The following BTD variants were observed in gnomAD, a reference collection of about 807,000 sequenced individuals.
BTD encodes the protein biocytinase.
In BTD, 13 loss-of-function variants were observed where a neutral mutation model predicts 17.7. The observed-to-expected ratio is 0.74, with a 90% CI of 0.48 to 1.17. The LOEUF is 1.17. Among genes scored for constraint, BTD ranks in the 50% most tolerant of loss-of-function variants. BTD has a pLI of 0.00. For synonymous variants in BTD, 240 were observed against 245.2 expected, an observed-to-expected ratio of 0.98 and a Z score of 0.20; for missense variants, 674 against 650.4, an observed-to-expected ratio of 1.04 and a Z score of -0.39.
intron 3 of BTD, among the ~76,000 whole-genome samples, chr3:15,663,803 T>A (rs1190521301): frequency 2.6e-5 from 4 of 152,216 alleles, no homozygotes; most frequent in African/African-American, 9.6e-5. Flanking sequence ...TTTTTTCAAT[T>A]TCATTGATTT....
downstream of BTD, among the ~76,000 whole-genome samples, chr3:15,654,375 C>A (rs1333148106): frequency 2.0e-5 from 3 of 152,092 alleles, no homozygotes; most frequent in Non-Finnish European, 4.4e-5. Context: ...TAAAATGATT[C>A]TTCTGGCTGA....
chr3:15,705,382 A>G (rs912278346), intron 3 of BTD, among the ~76,000 whole-genome samples: 3 of 152,168 alleles, frequency 2.0e-5, no homozygotes, highest in African/African-American at 7.2e-5. Context: ...GAAGGATCAA[A>G]GTGTAATCTT....
At chr3:15,685,933 C>A in intron 3 of BTD, 2 of 1,172,296 alleles carry the variant, frequency 1.7e-6, no homozygotes, top group South Asian at 2.7e-5. Flanking sequence ...ATAAACATAA[C>A]CTAGTTCAGT....
downstream of BTD, among the ~76,000 whole-genome samples, chr3:15,714,834 C>T (rs537100543): frequency 1.1e-4 from 17 of 152,162 alleles, no homozygotes; most frequent in African/African-American, 2.4e-4. Flanking sequence ...TTTTTTAGCA[C>T]GTGTATCATA....
upstream of BTD, chr3:15,601,727 G>A (rs745500619): frequency 1.3e-6 from 2 of 1,573,414 alleles, no homozygotes; most frequent in East Asian, 2.3e-5. Flanking sequence ...CAGAATGCCA[G>A]AGGGAGGCGG....
chr3:15,694,598 A>C, intron 3 of BTD: 1 of 529,080 alleles, frequency 1.9e-6, no homozygotes, highest in East Asian at 3.2e-5. Context: ...TGAATTAAAG[A>C]AAGTTCTCAA....
chr3:15,686,213 G>A (rs369707243), intron 3 of BTD: 54 of 1,589,428 alleles, frequency 3.4e-5, no homozygotes, highest in East Asian at 2.5e-4. Context: ...ATTATTTATC[G>A]AAACTTACTG....
intron 3 of BTD, chr3:15,668,985 C>T (rs2125561073): frequency 6.5e-6 from 1 of 152,730 alleles, no homozygotes; most frequent in South Asian, 2.1e-4. Context: ...CCACACAAAT[C>T]TTTATTTAAA....
In BTD at chr3:15,695,291, T is replaced by C. The variant is rs1033710831; in HGVS notation, c.400-14769T>C. The C allele has an allele frequency of 1.5e-5, 17 of 1,101,020 alleles. No homozygotes were observed. The African/African-American group carries it at 2.5e-4, about 16-fold the overall frequency. 68.2% of individuals were successfully genotyped at this position (1,101,020 alleles called of 1,614,324 possible). A position where few individuals can be genotyped will look rare whatever the true frequency, so the allele number is the denominator to read the frequency against. On this transcript the variant is annotated intron_variant, in intron 3 of 3. Coordinates refer to the BTD transcript ENST00000672141. ...ATTAAGTCTCAACTTATATAGAGCT[T>C]TGCTAACTTTTACCCTAAACCCGTG...
intron 3 of BTD, among the ~76,000 whole-genome samples, chr3:15,664,886 C>A (rs964318278): frequency 2.0e-5 from 3 of 151,972 alleles, no homozygotes; most frequent in African/African-American, 4.8e-5. Flanking sequence ...GAAGACTGTT[C>A]AAAAAACTAC....
Position 15,635,556 on chromosome 3 carries a change from GGC to G in BTD, c.118_119del (p.Ala40CysfsTer4). ...ACCATCACGAGGCTGAATATTATGT[GGC>G]TGCCGTGTATGAGCATCCATCCATC... Reference protein sequence around the residue: ...ADHHEAEYYVAAVYEHPSILS... With the variant: ...ADHHEAEYYVXAVYEHPSILS... On this transcript the variant is annotated frameshift_variant, in exon 2 of 4. Transcript: ENST00000643237. LOFTEE classifies it high-confidence loss of function. This position sits in a 1 kb window ranked among gnomAD's most constrained non-coding sequence, Gnocchi z 4.1. The G allele has an allele frequency of 6.2e-7, 1 of 1,614,212 alleles. No individual in the cohort carries two copies.
intron 3 of BTD, among the ~76,000 whole-genome samples, chr3:15,643,038 A>AT (rs372062335): frequency 0.13 from 18,120 of 137,770 alleles, 1,284 homozygotes; most frequent in East Asian, 0.24. Context: ...AAAAAAAAAA[A>AT]AAAAAATAAA....
intron 1 of BTD, among the ~76,000 whole-genome samples, chr3:15,628,474 C>T (rs781556990): frequency 6.6e-6 from 1 of 152,194 alleles, no homozygotes; most frequent in Non-Finnish European, 1.5e-5. Flanking sequence ...GGATGTCAAG[C>T]CCTCAGGTCC....
At position 15,644,301 on chromosome 3, in the gene BTD, C is replaced by A; in HGVS notation, c.400-15C>A. ...AGGCAAAAACCTCATTTATTTACAC[C>A]TTTTTTTCCTCTAGGTGCTCCAGCG... is the stretch of plus-strand genomic sequence containing the variant. On this transcript the variant is annotated splice_polypyrimidine_tract_variant and intron_variant, in intron 3 of 3. Transcript: ENST00000643237. The A allele has an allele frequency of 1.9e-6, 3 of 1,610,252 alleles. No homozygotes were observed. Among genetic ancestry groups the A allele is most frequent in the Non-Finnish European group, 2.5e-6 (3 of 1,177,964 alleles).
chr3:15,607,679 G>A (rs1184539728), intron 1 of BTD, among the ~76,000 whole-genome samples: 2 of 152,028 alleles, frequency 1.3e-5, no homozygotes, highest in Non-Finnish European at 2.9e-5. Context: ...TATCAAATGA[G>A]GAAATGAATC....
At chr3:15,640,247 A>G (rs1209398599) in intron 2 of BTD, among the ~76,000 whole-genome samples, 1 of 152,244 alleles carries the variant, frequency 6.6e-6, no homozygotes, top group Non-Finnish European at 1.5e-5. Context: ...AAGTGTTTTG[A>G]GCACACTATG....
intron 1 of BTD, among the ~76,000 whole-genome samples, chr3:15,617,593 C>G (rs1347335239): frequency 6.6e-6 from 1 of 152,190 alleles, no homozygotes; most frequent in Admixed American, 6.5e-5. Context: ...GCCTGGTGTG[C>G]AGTGGTACAC....
chr3:15,677,393 G>T, intron 3 of BTD: 1 of 940,514 alleles, frequency 1.1e-6, no homozygotes, highest in Non-Finnish European at 1.7e-6. Flanking sequence ...GTTTGGTCCT[G>T]AGTTGTTCAT....
chr3:15,602,423 T>G, intron 1 of BTD: 1 of 624,934 alleles, frequency 1.6e-6, no homozygotes, highest in Non-Finnish European at 2.0e-6. Flanking sequence ...GTTGGGTCCC[T>G]ACCTACAACC....
Sources: allele counts gnomAD v4.1 joint callset (sites outside exome capture counted in the v4.1 genomes callset), GRCh38; gene constraint gnomAD v4.1.1; non-coding constraint Gnocchi (gnomAD v3.1); transcripts MANE v1.5; gene names NCBI Gene and HGNC (gene_info 2026-07-23, HGNC 2026-07-21).